The following RAPGEF2 variants were observed in gnomAD, a reference collection of about 807,000 sequenced individuals.
RAPGEF2 encodes the protein PDZ domain containing guanine nucleotide exchange factor (GEF) 1.
A neutral mutation model predicts 186.7 loss-of-function variants in RAPGEF2; 54 were observed. The ratio of observed to expected loss-of-function variants is 0.29; its 90% CI spans 0.23 to 0.36. RAPGEF2 has a LOEUF of 0.36. RAPGEF2 is among the 10% of genes least tolerant of loss of function. The pLI is 1.00. For synonymous variants in RAPGEF2, 712 were observed against 705.9 expected, an observed-to-expected ratio of 1.01 and a Z score of -0.14; for missense variants, 1,532 against 2,045.0, an observed-to-expected ratio of 0.75 and a Z score of 4.84.
At chr4:159,271,400 A>C (rs888756515) in intron 7 of RAPGEF2, among the ~76,000 whole-genome samples, 1 of 152,214 alleles carries the variant, frequency 6.6e-6, no homozygotes, top group African/African-American at 2.4e-5. Context: ...TAGTACACAT[A>C]AGAAAGTGCC....
intron 1 of RAPGEF2, among the ~76,000 whole-genome samples, chr4:159,180,057 A>G (rs1746848792): frequency 6.6e-6 from 1 of 152,190 alleles, no homozygotes; most frequent in African/African-American, 2.4e-5. Flanking sequence ...AATTGATAGG[A>G]AGATTAGAAA....
At chr4:159,293,945 A>G (rs771837763) in intron 7 of RAPGEF2, among the ~76,000 whole-genome samples, 2 of 152,152 alleles carry the variant, frequency 1.3e-5, no homozygotes, top group Non-Finnish European at 2.9e-5. Flanking sequence ...CTAACTGTTC[A>G]TACTCCAGTG....
chr4:159,198,226 A>C (rs28847955), intron 3 of RAPGEF2, among the ~76,000 whole-genome samples: 3,493 of 140,228 alleles, frequency 0.025, 196 homozygotes, highest in African/African-American at 0.087. Context: ...TCTTTCTTTT[A>C]TTTTCTTTTC....
At chr4:159,302,834 A>C (rs971824322) in intron 7 of RAPGEF2, among the ~76,000 whole-genome samples, 6 of 151,392 alleles carry the variant, frequency 4.0e-5, no homozygotes, top group African/African-American at 1.2e-4. Flanking sequence ...GTACATGTGC[A>C]CATTATGCAG....
intron 3 of RAPGEF2, among the ~76,000 whole-genome samples, chr4:159,203,946 A>G (rs901306122): frequency 3.9e-5 from 6 of 152,232 alleles, no homozygotes; most frequent in Non-Finnish European, 4.4e-5. Flanking sequence ...AGCGTGGAAG[A>G]AGGAATCTGT....
rs1230065015 is a variant in RAPGEF2, at chr4:159,356,134, C to T, written c.4933C>T (p.Gln1645Ter). The part of the protein sequence containing the change: ...SDPRLAPYQS[Q>*]GFSTEEDEDE... ...CCCGCGCCTCGCCCCCTATCAGTCC[C>T]AAGGGTTTTCCACCGAGGAGGATGG... Residue 1645 changes from glutamine (Q) to a stop codon, truncating the protein, a stop_gained, in exon 29 of 30, where the codon CAA (glutamine) becomes TAA (stop). Coordinates refer to ENST00000691494, the MANE Select transcript of RAPGEF2 (RefSeq NM_001394067.2). LOFTEE classifies it high-confidence loss of function. 6.2e-7 allele frequency: 1 copy of T among 1,613,876 alleles called. No homozygotes were observed. Among genetic ancestry groups the T allele is most frequent in the African/African-American group, 1.3e-5 (1 of 74,914 alleles).
chr4:159,106,225 A>G (rs1737863368), intron 1 of RAPGEF2, among the ~76,000 whole-genome samples: 1 of 152,218 alleles, frequency 6.6e-6, no homozygotes, highest in Non-Finnish European at 1.5e-5. Flanking sequence ...AACATAAGGA[A>G]ACCTACCAAA....
chr4:159,234,175 G>A (rs1057001828), intron 4 of RAPGEF2, among the ~76,000 whole-genome samples: 27 of 152,048 alleles, frequency 1.8e-4, no homozygotes, highest in African/African-American at 6.5e-4. Context: ...TGGCACCAAG[G>A]AACAGGATGT....
chr4:159,329,999 A>G lies in RAPGEF2; in HGVS notation c.1291A>G (p.Ile431Val), dbSNP rs1354714251. The G allele has an allele frequency of 6.2e-7, 1 of 1,612,652 alleles. No individual in the cohort carries two copies. The highest frequency in any genetic ancestry group is 1.3e-5 in the African/African-American group (1 of 74,796). Residue 431 changes from isoleucine (I) to valine (V), a missense_variant, in exon 12 of 30, where the codon ATT becomes GTT. Physicochemically the swap from Ile to Val is conservative, Grantham distance 29 (BLOSUM62 3). Transcript: ENST00000691494. ...LDRTGTRKGH[I>V]VIKGTSERLT... ...TCGAACTGGAACAAGAAAGGGACAC[A>G]TTGTCATCAAGGTAGGACACAGGAC...
At chr4:159,115,848 A>G (rs1304127910) in intron 1 of RAPGEF2, among the ~76,000 whole-genome samples, 1 of 152,170 alleles carries the variant, frequency 6.6e-6, no homozygotes, top group East Asian at 1.9e-4. Context: ...AGGATTCTCT[A>G]TTTAATAAAT....
intron 29 of RAPGEF2, 124 bp from the exon 30 acceptor site, chr4:159,357,990 T>C (rs1732287525): frequency 1.1e-6 from 1 of 925,334 alleles, no homozygotes; most frequent in Non-Finnish European, 1.5e-6. Context: ...GGATTCTAAG[T>C]GAGCTATACT....
At chr4:159,173,538 C>G (rs577546890) in intron 1 of RAPGEF2, among the ~76,000 whole-genome samples, 1 of 152,204 alleles carries the variant, frequency 6.6e-6, no homozygotes, top group African/African-American at 2.4e-5. Context: ...CCCAGCTCAA[C>G]AAGGTTTCTA....
intron 8 of RAPGEF2, among the ~76,000 whole-genome samples, chr4:159,306,536 C>A (rs1763323081): frequency 6.6e-6 from 1 of 152,048 alleles, no homozygotes; most frequent in Non-Finnish European, 1.5e-5. Flanking sequence ...TTGATGGAGT[C>A]TTTAGGGGTT....
Position 159,241,189 on chromosome 4 carries a change from G to T in RAPGEF2, c.358-12G>T, listed in dbSNP as rs2111476060. ...GTTTGGAGAAATGAAATTTTGGGGG[G>T]TTTTATTTCAGGTGGACTATATGGA... On this transcript the variant is annotated splice_polypyrimidine_tract_variant and intron_variant, in intron 5 of 29. Transcript: ENST00000691494. 1 of 1,484,650 alleles carries T rather than the reference G, an allele frequency of 6.7e-7. No homozygotes were observed. The highest frequency in any genetic ancestry group is 8.9e-7 in the Non-Finnish European group (1 of 1,118,902). The allele number at this position is 1,484,650 out of a possible 1,614,324, so 92.0% of individuals were successfully genotyped here.
chr4:159,339,297 A>T lies in RAPGEF2; in HGVS notation c.2477A>T (p.Gln826Leu). 6.2e-7 allele frequency: 1 copy of T among 1,614,170 alleles called. No individual in the cohort carries two copies. The highest frequency in any genetic ancestry group is 8.5e-7 in the Non-Finnish European group (1 of 1,179,998). Residue 826 changes from glutamine (Q) to leucine (L), a missense_variant, in exon 19 of 30, where the codon CAA (glutamine) becomes CTA (leucine). This residue lies in a region of RAPGEF2 where 810 missense variants were observed against 1,210.5 expected (regional missense o/e 0.67). Transcript: ENST00000691494. ...GTCACACCTGAGGGAGTAATCAAAC[A>T]AAGAAGACTTCCAGATCAGCTTTCC... ...VSVTPEGVIK[Q>L]RRLPDQLSKL...
intron 3 of RAPGEF2, among the ~76,000 whole-genome samples, chr4:159,194,246 C>T (rs1183256538): frequency 6.6e-6 from 1 of 152,098 alleles, no homozygotes; most frequent in Admixed American, 6.5e-5. Flanking sequence ...GTGTGACTGG[C>T]CTGTGGTGTG....
chr4:159,133,436 G>A (rs55821762), intron 1 of RAPGEF2, among the ~76,000 whole-genome samples: 1 of 147,688 alleles, frequency 6.8e-6, no homozygotes, highest in Non-Finnish European at 1.5e-5. Flanking sequence ...TTTTTTTTCA[G>A]AGTTTTGCTC....
chr4:159,276,051 A>G (rs1220513477), intron 7 of RAPGEF2, among the ~76,000 whole-genome samples: 1 of 152,146 alleles, frequency 6.6e-6, no homozygotes, highest in Admixed American at 6.5e-5. Flanking sequence ...TAATACTTAA[A>G]CCTTAGGTAC....
At chr4:159,206,231 C>T (rs1332175209) in intron 3 of RAPGEF2, among the ~76,000 whole-genome samples, 4 of 152,178 alleles carry the variant, frequency 2.6e-5, no homozygotes, top group African/African-American at 9.7e-5. Context: ...CGCCCAGCCG[C>T]GCAGGATCTT....
Sources: gnomAD v4.1 joint callset for allele counts (sites outside exome capture counted in the v4.1 genomes callset) on GRCh38, gnomAD v4.1.1 for gene constraint, gnomAD v4.1.1 regional missense constraint, MANE v1.5 for transcripts, NCBI Gene and HGNC (gene_info 2026-07-23, HGNC 2026-07-21) for gene names.